SLCO1C1: variants seen among roughly 807,000 people sequenced by gnomAD.
SLCO1C1 encodes OAT-RP-5.
SLCO1C1 carries 70 observed loss-of-function variants against 76.4 expected under a neutral mutation model. The ratio of observed to expected loss-of-function variants is 0.92; its 90% CI spans 0.76 to 1.12. The LOEUF (loss-of-function observed/expected upper bound fraction) is 1.12. SLCO1C1 is among the 50% of genes most tolerant of loss of function. The pLI, the probability that SLCO1C1 is intolerant of heterozygous loss-of-function variation, is 0.00. For synonymous variants in SLCO1C1, 306 were observed against 286.1 expected (o/e 1.07, Z -0.70); for missense variants, 912 against 823.8 (o/e 1.11, Z -1.31).
intron 10 of SLCO1C1, among the ~76,000 whole-genome samples, chr12:20,736,614 T>G (rs1265037280): frequency 6.6e-6 from 1 of 152,120 alleles, no homozygotes; most frequent in Non-Finnish European, 1.5e-5. Context: ...TGAAAGAGAA[T>G]TAACTGATAA....
In SLCO1C1 at chr12:20,695,614, T is replaced by C. The variant is rs2120566379; in HGVS notation, c.-219T>C. 1 of 152,108 alleles carries C rather than the reference T, an allele frequency of 6.6e-6. No individual in the cohort carries two copies. The highest frequency in any genetic ancestry group is 1.5e-5 in the Non-Finnish European group (1 of 67,992). The allele number at this position is 152,108 out of a possible 1,614,324, so 9.4% of individuals were successfully genotyped here. On this transcript the variant is annotated 5_prime_UTR_variant, in exon 1 of 15. Coordinates refer to ENST00000266509, the MANE Select transcript of SLCO1C1 (RefSeq NM_017435.5). ...GGAAAGAGAAGAGATCGCTCAGGGGTGAGACCATGCCCTTCATCTTTTCTT... is the reference window on the plus strand; with the variant it reads ...GGAAAGAGAAGAGATCGCTCAGGGGCGAGACCATGCCCTTCATCTTTTCTT...
intron 6 of SLCO1C1, 133 bp downstream of exon 6, chr12:20,715,418 T>C: frequency 1.0e-6 from 1 of 991,534 alleles, no homozygotes; most frequent in African/African-American, 1.6e-5. Flanking sequence ...AGCTCACACA[T>C]TTCTGAAGTG....
chr12:20,748,847 C>A (rs367866949), intron 13 of SLCO1C1, among the ~76,000 whole-genome samples: 61 of 152,250 alleles, frequency 4.0e-4, no homozygotes, highest in South Asian at 1.5e-3. Flanking sequence ...TAAATCATAT[C>A]AGGAAGCACA....
At chr12:20,726,791 T>C (rs1948025008) in intron 9 of SLCO1C1, among the ~76,000 whole-genome samples, 1 of 152,192 alleles carries the variant, frequency 6.6e-6, no homozygotes, top group Non-Finnish European at 1.5e-5. Flanking sequence ...GTTTAGGGTA[T>C]GACTGAACCT....
Position 20,711,483 on chromosome 12 carries a change from G to A in SLCO1C1, c.502G>A (p.Glu168Lys). The A allele has an allele frequency of 6.2e-7, 1 of 1,613,304 alleles. No individual in the cohort carries two copies. The highest frequency in any genetic ancestry group is 8.5e-7 in the Non-Finnish European group (1 of 1,179,698). The change falls in exon 5 of 15, where the codon GAA becomes AAA. Residue 168 changes from glutamate (E) to lysine (K), a missense_variant. By Grantham distance (56) the Glu-to-Lys change is moderately conservative. Transcript: ENST00000266509. The stretch of plus-strand genomic sequence containing the variant: ...CAGTCAATTACCAGTTTCAGTTATG[G>A]AAAAATCAAAATCCAAAATAAGTAA... Reference protein sequence around the residue: ...SSSQLPVSVMEKSKSKISNEC... With the variant: ...SSSQLPVSVMKKSKSKISNEC...
intron 8 of SLCO1C1, among the ~76,000 whole-genome samples, chr12:20,722,663 A>C (rs927788039): frequency 5.3e-5 from 8 of 152,222 alleles, no homozygotes; most frequent in African/African-American, 1.9e-4. Flanking sequence ...TATTAAATGG[A>C]GATAACTCTC....
intron 13 of SLCO1C1, among the ~76,000 whole-genome samples, chr12:20,748,758 G>T (rs1279435040): frequency 6.6e-6 from 1 of 152,072 alleles, no homozygotes; most frequent in Non-Finnish European, 1.5e-5. Context: ...ACTATTGGAT[G>T]TGTTTGTTTG....
intron 9 of SLCO1C1, among the ~76,000 whole-genome samples, chr12:20,725,398 A>G (rs1284616065): frequency 1.4e-5 from 2 of 138,364 alleles, no homozygotes; most frequent in Non-Finnish European, 3.1e-5. Context: ...TATATGATAT[A>G]TGGTAATACT....
intron 4 of SLCO1C1, among the ~76,000 whole-genome samples, chr12:20,708,003 G>A (rs905596479): frequency 6.6e-6 from 1 of 152,074 alleles, no homozygotes; most frequent in South Asian, 2.1e-4. Context: ...CTATTTCTGC[G>A]AGAAAACAAA....
chr12:20,704,252 T>C (rs1188849425), intron 3 of SLCO1C1, among the ~76,000 whole-genome samples: 1 of 151,560 alleles, frequency 6.6e-6, no homozygotes, highest in South Asian at 2.1e-4. Flanking sequence ...GATATATATA[T>C]ATATCTGTAT....
intron 3 of SLCO1C1, 100 bp downstream of exon 3, chr12:20,701,559 C>G (rs370854520): frequency 2.1e-5 from 15 of 700,524 alleles, no homozygotes; most frequent in Middle Eastern, 5.2e-4. Flanking sequence ...GGATCAGACT[C>G]TATTCATAAA....
At position 20,718,512 on chromosome 12, in the gene SLCO1C1, A is replaced by G. The variant is rs75572286; in HGVS notation, c.775+1282A>G. Reference sequence around the variant, plus strand: ...CTTACACATACAAATCTTGCTTCATATCTAGAATAGCTCTGAAGTATTGTT... The same window carrying G: ...CTTACACATACAAATCTTGCTTCATGTCTAGAATAGCTCTGAAGTATTGTT... On this transcript the variant is annotated intron_variant, in intron 7 of 14. Transcript: ENST00000266509. Among the ~76,000 whole-genome samples, 499 of 152,330 alleles carry G rather than the reference A, an allele frequency of 3.3e-3. 1 individual carries two copies. Among genetic ancestry groups the G allele is most frequent in the African/African-American group, 0.011 (475 of 41,576 alleles).
At chr12:20,717,089 G>T (rs1195359022) in intron 6 of SLCO1C1, 43 bp from the exon 7 acceptor site, 3 of 1,520,850 alleles carry the variant, frequency 2.0e-6, no homozygotes, top group Middle Eastern at 1.7e-4. Context: ...TCAAAGTAAA[G>T]AAATGACAGC....
At chr12:20,747,303 T>G (rs985962833) in intron 13 of SLCO1C1, among the ~76,000 whole-genome samples, 2 of 152,012 alleles carry the variant, frequency 1.3e-5, no homozygotes, top group African/African-American at 4.8e-5. Flanking sequence ...TGGTGCATGC[T>G]TGTGGTCCCA....
chr12:20,731,757 CCA>C (rs1319764534), intron 9 of SLCO1C1, among the ~76,000 whole-genome samples: 1 of 152,196 alleles, frequency 6.6e-6, no homozygotes, highest in Admixed American at 6.5e-5. Flanking sequence ...ACAAATGGCA[CCA>C]AAGTGCCTCT....
chr12:20,733,345 C>T (rs1948385371), intron 10 of SLCO1C1, among the ~76,000 whole-genome samples: 1 of 152,116 alleles, frequency 6.6e-6, no homozygotes, highest in Admixed American at 6.6e-5. Context: ...AGAGAACCAA[C>T]CTGATTAATT....
At chr12:20,739,594 G>T (rs1441115949) in intron 11 of SLCO1C1, among the ~76,000 whole-genome samples, 1 of 152,128 alleles carries the variant, frequency 6.6e-6, no homozygotes. Context: ...GCCTTTGCAA[G>T]GGTCATGTGT....
At chr12:20,704,007 AGAG>A (rs1565499650) in intron 3 of SLCO1C1, among the ~76,000 whole-genome samples, 1 of 150,414 alleles carries the variant, frequency 6.6e-6, no homozygotes, top group Non-Finnish European at 1.5e-5. Context: ...ACAGAAAAAG[AGAG>A]GAGAGCAAGA....
rs1947693685 is a variant in SLCO1C1, at chr12:20,721,896, G to A, written c.868G>A (p.Val290Met). The change falls in exon 8 of 15, where the codon GTG becomes ATG. Residue 290 changes from valine to methionine, a missense_variant. Coordinates refer to ENST00000266509, the MANE Select transcript of SLCO1C1 (RefSeq NM_017435.5). ...AGGAATCATAAGTCTTCTTGCAGCT[G>A]TGCCTTTCTGGTATTTACCAAAGAG... The part of the protein sequence containing the change: ...IAGIISLLAA[V>M]PFWYLPKSLP... 2 of 1,614,030 alleles carry A rather than the reference G, an allele frequency of 1.2e-6. No individual in the cohort carries two copies. The highest frequency in any genetic ancestry group is 2.7e-5 in the African/African-American group (2 of 74,920).
Sources: gnomAD v4.1 joint callset for allele counts (sites outside exome capture counted in the v4.1 genomes callset) on GRCh38, gnomAD v4.1.1 for gene constraint, MANE v1.5 for transcripts, NCBI Gene and HGNC (gene_info 2026-07-23, HGNC 2026-07-21) for gene names.